Variants in GAB1 observed in about 807,000 individuals in gnomAD.
GAB1 encodes GRB2 associated binding protein 1, also known as GRB2-associated-binding protein 1.
In GAB1, 19 loss-of-function variants were observed where a neutral mutation model predicts 66.5. That is an observed-to-expected ratio of 0.29 (90% confidence interval 0.20 to 0.42). The LOEUF is 0.42. Ranked by LOEUF, GAB1 falls within the 10% of genes least tolerant of loss-of-function variation. GAB1 has a pLI of 1.00. For missense variants in GAB1, 732 were observed against 858.5 expected (o/e 0.85, Z 1.84); for synonymous variants, 294 against 301.4 (o/e 0.98, Z 0.25).
chr4:143,436,063 G>A (rs1267928174), intron 3 of GAB1, among the ~76,000 whole-genome samples: 1 of 152,198 alleles, frequency 6.6e-6, no homozygotes, highest in Non-Finnish European at 1.5e-5. Context: ...TGAATTAAAT[G>A]AAGTACAAAT....
chr4:143,448,612 G>A (rs1578734193), intron 6 of GAB1, among the ~76,000 whole-genome samples: 1 of 151,226 alleles, frequency 6.6e-6, no homozygotes, highest in African/African-American at 2.4e-5. Context: ...ATGGTAGTTT[G>A]TATTTCTGTG....
intron 2 of GAB1, among the ~76,000 whole-genome samples, chr4:143,418,982 T>C (rs1020567435): frequency 3.3e-5 from 5 of 151,990 alleles, no homozygotes; most frequent in Non-Finnish European, 2.9e-5. Flanking sequence ...TTTTAGAAAA[T>C]TGATTGATTA....
At position 143,438,307 on chromosome 4, in the gene GAB1, G is replaced by A; in HGVS notation, c.902G>A (p.Arg301Lys). The part of the protein sequence containing the change: ...SGTSSVETQM[R>K]HVSISYDIPP... ...ACATCGAGTGTAGAGACTCAAATGA[G>A]GCATGTATCTATTAGTTATGACATT... The change falls in exon 4 of 10, where the codon AGG (arginine) becomes AAG (lysine). Residue 301 changes from arginine (R) to lysine (K), a missense_variant. Around this residue, in one of 4 missense-constraint regions of GAB1, gnomAD observed 427 missense variants for 420.6 expected, o/e 1.02. Transcript: ENST00000262994. The A allele has an allele frequency of 1.2e-6, 2 of 1,613,892 alleles. No homozygotes were observed. Among genetic ancestry groups the A allele is most frequent in the Non-Finnish European group, 1.7e-6 (2 of 1,179,878 alleles).
At chr4:143,425,214 G>A in intron 2 of GAB1, 2 of 890,384 alleles carry the variant, frequency 2.2e-6, no homozygotes, top group Non-Finnish European at 3.7e-6. Flanking sequence ...GAGGACCTGG[G>A]AGAAGCTTCT....
intron 6 of GAB1, among the ~76,000 whole-genome samples, chr4:143,456,510 G>C (rs1023257858): frequency 6.6e-6 from 1 of 152,096 alleles, no homozygotes; most frequent in African/African-American, 2.4e-5. Context: ...GGTCCTGCGG[G>C]TATGGGCCCT....
chr4:143,459,143 A>G (rs1275774470), intron 6 of GAB1, among the ~76,000 whole-genome samples: 1 of 152,112 alleles, frequency 6.6e-6, no homozygotes, highest in Non-Finnish European at 1.5e-5. Flanking sequence ...ACATGTTGTA[A>G]TAGAGGTTTA....
chr4:143,426,307 T>C (rs373600474), intron 2 of GAB1, among the ~76,000 whole-genome samples: 4 of 152,180 alleles, frequency 2.6e-5, no homozygotes, highest in Non-Finnish European at 5.9e-5. Context: ...TCCAGCACTT[T>C]GGGAGACTGA....
At chr4:143,434,071 A>T in intron 3 of GAB1, 1 of 1,241,796 alleles carries the variant, frequency 8.1e-7, no homozygotes, top group Non-Finnish European at 1.1e-6. Context: ...TCCATTTCTT[A>T]TGTGATTGTA....
intron 2 of GAB1, among the ~76,000 whole-genome samples, chr4:143,419,169 G>A (rs1240998039): frequency 6.6e-6 from 1 of 151,926 alleles, no homozygotes; most frequent in Non-Finnish European, 1.5e-5. Flanking sequence ...TAATTGATGA[G>A]TGCAAGTTTA....
intron 2 of GAB1, among the ~76,000 whole-genome samples, chr4:143,419,841 A>G (rs956567970): frequency 6.6e-6 from 1 of 152,138 alleles, no homozygotes; most frequent in South Asian, 2.1e-4. Flanking sequence ...AAATCTGTAA[A>G]GCATGAACAG....
intron 1 of GAB1, among the ~76,000 whole-genome samples, chr4:143,397,158 G>A (rs1043668988): frequency 5.3e-5 from 8 of 152,178 alleles, no homozygotes; most frequent in Non-Finnish European, 8.8e-5. Context: ...GACCAGTAGT[G>A]ACTTGAGCAA....
At chr4:143,415,356 C>T (rs1335580022) in intron 1 of GAB1, 121 bp from the exon 2 acceptor site, 4 of 768,678 alleles carry the variant, frequency 5.2e-6, no homozygotes, top group Non-Finnish European at 8.2e-6. Flanking sequence ...CACACACAAA[C>T]ACACACATAT....
chr4:143,420,626 T>G (rs143570361), intron 2 of GAB1, among the ~76,000 whole-genome samples: 56 of 152,252 alleles, frequency 3.7e-4, no homozygotes, highest in Admixed American at 8.5e-4. Flanking sequence ...CAACACAAGG[T>G]GGAAGCTGTT....
At chr4:143,447,943 C>T (rs575517629) in intron 6 of GAB1, among the ~76,000 whole-genome samples, 75 of 152,142 alleles carry the variant, frequency 4.9e-4, no homozygotes, top group Admixed American at 1.9e-3. Context: ...ATAGCTGTTA[C>T]TATTTTGAGA....
At chr4:143,343,072 C>T (rs948249980) in intron 1 of GAB1, among the ~76,000 whole-genome samples, 2 of 152,040 alleles carry the variant, frequency 1.3e-5, no homozygotes, top group African/African-American at 2.4e-5. Context: ...TGTCAGGACC[C>T]GGATTCTACT....
chr4:143,383,668 A>T (rs1730754379), intron 1 of GAB1, among the ~76,000 whole-genome samples: 1 of 152,182 alleles, frequency 6.6e-6, no homozygotes. Flanking sequence ...TTTTTAACAT[A>T]ACAATATATG....
intron 6 of GAB1, among the ~76,000 whole-genome samples, chr4:143,444,755 T>A (rs1164965325): frequency 1.3e-5 from 2 of 152,158 alleles, no homozygotes; most frequent in Non-Finnish European, 2.9e-5. Flanking sequence ...TTTTCAACCC[T>A]TTCCACCTGC....
intron 1 of GAB1, among the ~76,000 whole-genome samples, chr4:143,390,717 A>G (rs1480375270): frequency 6.6e-6 from 1 of 152,102 alleles, no homozygotes; most frequent in Non-Finnish European, 1.5e-5. Context: ...AGGGCATACA[A>G]CTTTTTTTAT....
rs1728860648 is a variant in GAB1 at position 143,342,585 on chromosome 4, C to CT, written c.72+5326dup. On this transcript the variant is annotated intron_variant, in intron 1 of 9. Coordinates refer to ENST00000262994, the MANE Select transcript of GAB1 (RefSeq NM_002039.4). The stretch of plus-strand genomic sequence containing the variant: ...TTTTTTTTTTTGAGATGGAGTTTCG[C>CT]TCTTGTCCAGGCTGGAGTACAATGG... Among the ~76,000 whole-genome samples, 4 of 107,068 alleles carry CT rather than the reference C, an allele frequency of 3.7e-5. No individual in the cohort carries two copies. In the South Asian group the frequency reaches 1.3e-3, roughly 34 times the overall value. The allele number at this position is 107,068 out of a possible 152,430, so 70.2% of individuals were successfully genotyped here.
Sources: allele counts gnomAD v4.1 joint callset (sites outside exome capture counted in the v4.1 genomes callset), GRCh38; gene constraint gnomAD v4.1.1; regional missense constraint gnomAD v4.1.1; transcripts MANE v1.5; gene names NCBI Gene and HGNC (gene_info 2026-07-23, HGNC 2026-07-21).